ACYP2: variants seen among roughly 807,000 people sequenced by gnomAD.
ACYP2 encodes the protein acylphosphatase-2.
A neutral mutation model predicts 11.2 loss-of-function variants in ACYP2; 12 were observed. That is an observed-to-expected ratio of 1.08 (90% CI 0.69 to 1.74). The LOEUF is 1.74. ACYP2 is among the 40% of genes most tolerant of loss of function. The probability of loss-of-function intolerance (pLI) is 0.00; values close to 1 mark genes in which losing one functional copy is unlikely to be tolerated. For synonymous variants in ACYP2, 43 were observed against 32.2 expected (o/e 1.33, Z -1.13); for missense variants, 134 against 101.9 (o/e 1.31, Z -1.35).
intron 4 of ACYP2, among the ~76,000 whole-genome samples, chr2:54,116,052 G>A (rs1196031068): frequency 6.6e-6 from 1 of 152,158 alleles, no homozygotes; most frequent in African/African-American, 2.4e-5. Context: ...CGGCACGGGG[G>A]AATGTTGAAG....
At chr2:54,250,075 G>A (rs184275329) in intron 6 of ACYP2, among the ~76,000 whole-genome samples, 19 of 151,704 alleles carry the variant, frequency 1.3e-4, no homozygotes, top group Admixed American at 7.2e-4. Context: ...TCTATTTTAT[G>A]CTCTAGATTT....
intron 6 of ACYP2, among the ~76,000 whole-genome samples, chr2:54,158,036 A>AT (rs1044125309): frequency 6.6e-6 from 1 of 151,238 alleles, no homozygotes; most frequent in Non-Finnish European, 1.5e-5. Context: ...TATTATTATT[A>AT]TTTTTTTGAG....
intron 6 of ACYP2, among the ~76,000 whole-genome samples, chr2:54,171,167 A>G (rs1354875810): frequency 6.6e-6 from 1 of 152,138 alleles, no homozygotes; most frequent in East Asian, 1.9e-4. Flanking sequence ...GACAGGCTGG[A>G]GTGCGCAAGC....
At chr2:54,063,643 C>A (rs1676583775) in intron 4 of ACYP2, among the ~76,000 whole-genome samples, 1 of 152,222 alleles carries the variant, frequency 6.6e-6, no homozygotes, top group South Asian at 2.1e-4. Context: ...TTCTGGGAAC[C>A]AACTGTCCAC....
At position 54,137,632 on chromosome 2, in the gene ACYP2, A is replaced by G. The variant is rs187688415; in HGVS notation, c.295-1007A>G. Among the ~76,000 whole-genome samples, 22 of 152,258 alleles carry G rather than the reference A, an allele frequency of 1.4e-4. No homozygotes were observed. In the East Asian group the frequency reaches 4.2e-3, roughly 29 times the overall value. On this transcript the variant is annotated intron_variant, in intron 5 of 6. Transcript: ENST00000607452. Reference sequence around the variant, plus strand: ...TGATCTCATTCTTTTTTATGGCTGCATGGTATTCCATGGTGTATATGTACC... The same window carrying G: ...TGATCTCATTCTTTTTTATGGCTGCGTGGTATTCCATGGTGTATATGTACC...
At chr2:54,201,917 A>C (rs2103911687) in intron 6 of ACYP2, among the ~76,000 whole-genome samples, 1 of 151,908 alleles carries the variant, frequency 6.6e-6, no homozygotes, top group South Asian at 2.1e-4. Flanking sequence ...CATGTTGGTC[A>C]AGCTGGTCTT....
At chr2:54,170,957 T>C (rs1372815041) in intron 6 of ACYP2, among the ~76,000 whole-genome samples, 2 of 152,122 alleles carry the variant, frequency 1.3e-5, no homozygotes, top group African/African-American at 2.4e-5. Context: ...CACAGGGAAA[T>C]GCCAGGGCTC....
intron 4 of ACYP2, among the ~76,000 whole-genome samples, chr2:54,082,205 TTA>T (rs1054755273): frequency 1.3e-5 from 2 of 152,216 alleles, no homozygotes; most frequent in African/African-American, 4.8e-5. Context: ...TATTCCTCAT[TTA>T]TGTTAGTAAA....
At chr2:54,164,027 T>C (rs1343128395) in intron 6 of ACYP2, among the ~76,000 whole-genome samples, 1 of 152,144 alleles carries the variant, frequency 6.6e-6, no homozygotes, top group Admixed American at 6.5e-5. Flanking sequence ...ATTACCAAAA[T>C]AGGGAGTATT....
chr2:53,979,099 T>A (rs1031592156), intron 2 of ACYP2, among the ~76,000 whole-genome samples: 18 of 151,662 alleles, frequency 1.2e-4, no homozygotes, highest in African/African-American at 4.4e-4. Context: ...CTCAGGCAGG[T>A]CCTTCAGTAG....
intron 1 of ACYP2, among the ~76,000 whole-genome samples, chr2:53,972,813 A>C (rs1671235902): frequency 6.6e-6 from 1 of 152,230 alleles, no homozygotes; most frequent in South Asian, 2.1e-4. Flanking sequence ...CGCTGGGTAG[A>C]TAGGTGAAGT....
rs559614804 is a variant in ACYP2 at position 54,295,491 on chromosome 2, T to C, written c.405-9197T>C. ...GTTAAAAAGTAGCATTCAGGGTTCC[T>C]TTCTGTATGTGGATGGTATAGGTGC... On this transcript the variant is annotated intron_variant, in intron 6 of 6. Transcript: ENST00000607452. Among the ~76,000 whole-genome samples the C allele has an allele frequency of 5.3e-5, 8 of 152,316 alleles. 1 individual carries two copies. In the South Asian group the frequency reaches 1.7e-3, roughly 32 times the overall value.
intron 4 of ACYP2, among the ~76,000 whole-genome samples, chr2:54,097,091 A>T (rs1434232664): frequency 6.6e-6 from 1 of 152,238 alleles, no homozygotes; most frequent in Non-Finnish European, 1.5e-5. Flanking sequence ...GCAATAATTC[A>T]AAAGGGTTTA....
intron 4 of ACYP2, among the ~76,000 whole-genome samples, chr2:54,058,522 C>G (rs889547250): frequency 1.3e-5 from 2 of 152,072 alleles, no homozygotes; most frequent in Non-Finnish European, 2.9e-5. Context: ...CTAGTTAATT[C>G]AATATCGAGT....
chr2:53,979,152 T>C, intron 2 of ACYP2, among the ~76,000 whole-genome samples: 1 of 151,952 alleles, frequency 6.6e-6, no homozygotes, highest in Admixed American at 6.6e-5. Context: ...GAAAGCTCCA[T>C]GCGTGTTATT....
chr2:54,012,281 C>T (rs1374837551), intron 2 of ACYP2, among the ~76,000 whole-genome samples: 1 of 151,714 alleles, frequency 6.6e-6, no homozygotes, highest in African/African-American at 2.4e-5. Flanking sequence ...GTGGCTCACA[C>T]GATCACTTAA....
intron 4 of ACYP2, among the ~76,000 whole-genome samples, chr2:54,112,517 G>A (rs1679513470): frequency 6.6e-6 from 1 of 152,158 alleles, no homozygotes; most frequent in African/African-American, 2.4e-5. Context: ...AAAAATATGT[G>A]GGAAGGAAGC....
intron 6 of ACYP2, among the ~76,000 whole-genome samples, chr2:54,265,752 T>C (rs1002135469): frequency 1.3e-5 from 2 of 152,226 alleles, no homozygotes; most frequent in Non-Finnish European, 1.5e-5. Flanking sequence ...CTAAATAACC[T>C]TGGGAAAGTT....
intron 4 of ACYP2, among the ~76,000 whole-genome samples, chr2:54,079,565 G>T (rs559216070): frequency 6.6e-6 from 1 of 152,264 alleles, no homozygotes; most frequent in African/African-American, 2.4e-5. Context: ...CTGTCAAAAA[G>T]GCAGCATTAG....
Sources: allele counts gnomAD v4.1 joint callset (sites outside exome capture counted in the v4.1 genomes callset), GRCh38; gene constraint gnomAD v4.1.1; transcripts MANE v1.5; gene names NCBI Gene and HGNC (gene_info 2026-07-23, HGNC 2026-07-21).